MACROD2: variants seen among roughly 807,000 people sequenced by gnomAD.
The protein encoded by MACROD2 is ADP-ribose glycohydrolase MACROD2.
MACROD2 carries 36 observed loss-of-function variants against 70.4 expected under a neutral mutation model. That is an observed-to-expected ratio of 0.51 (90% confidence interval 0.39 to 0.68). MACROD2 has a LOEUF of 0.68. MACROD2 is among the 30% of genes least tolerant of loss of function. The pLI is 0.00. For synonymous variants in MACROD2, 172 were observed against 178.8 expected (o/e 0.96, Z 0.30); for missense variants, 496 against 538.4 (o/e 0.92, Z 0.78).
chr20:14,996,879 G>A (rs1352272681), intron 5 of MACROD2, among the ~76,000 whole-genome samples: 2 of 152,208 alleles, frequency 1.3e-5, no homozygotes, highest in Admixed American at 1.3e-4. Flanking sequence ...TGGCTGAAGT[G>A]CTCCATTGTA....
intron 8 of MACROD2, among the ~76,000 whole-genome samples, chr20:15,794,897 TA>T: frequency 6.6e-6 from 1 of 152,188 alleles, no homozygotes; most frequent in East Asian, 1.9e-4. Flanking sequence ...GATACACTAT[TA>T]AAAAGAATTG....
chr20:15,623,615 A>G (rs16996157), intron 8 of MACROD2, among the ~76,000 whole-genome samples: 3,171 of 152,252 alleles, frequency 0.021, 119 homozygotes, highest in African/African-American at 0.073. Context: ...GCCATTCCCA[A>G]GCTTCTTGTC....
Position 15,869,234 on chromosome 20 carries a change from T to TAG in MACROD2, c.727+6409_727+6410insGA, listed in dbSNP as rs1198181652. 5.0e-3 allele frequency among the ~76,000 whole-genome samples: 158 copies of TAG among 31,666 alleles called. 1 individual carries two copies. Among genetic ancestry groups the TAG allele is most frequent in the Middle Eastern group, 0.023 (1 of 44 alleles). 20.8% of individuals were successfully genotyped at this position (31,666 alleles called of 152,430 possible). On this transcript the variant is annotated intron_variant, in intron 9 of 17. Coordinates refer to ENST00000684519, the MANE Select transcript of MACROD2 (RefSeq NM_001351661.2). The stretch of plus-strand genomic sequence containing the variant: ...ACATATATATATATATATATATATA[T>TAG]ATATAGAGAGAGAGAGAGAGAGAGA...
intron 3 of MACROD2, among the ~76,000 whole-genome samples, chr20:14,194,281 A>G: frequency 6.6e-6 from 1 of 152,214 alleles, no homozygotes; most frequent in South Asian, 2.1e-4. Context: ...TTACTACAAC[A>G]TGTAGCTGCC....
chr20:15,828,898 A>G (rs951933746), intron 8 of MACROD2, among the ~76,000 whole-genome samples: 3 of 152,252 alleles, frequency 2.0e-5, no homozygotes, highest in Non-Finnish European at 2.9e-5. Context: ...AAGTTCAGAA[A>G]TAATCCTATG....
At chr20:14,575,936 T>C (rs1980571303) in intron 4 of MACROD2, among the ~76,000 whole-genome samples, 1 of 152,186 alleles carries the variant, frequency 6.6e-6, no homozygotes. Context: ...ATAGAACTTA[T>C]TTGAAGAGAG....
At chr20:14,897,522 A>G (rs1198195814) in intron 5 of MACROD2, among the ~76,000 whole-genome samples, 2 of 152,190 alleles carry the variant, frequency 1.3e-5, no homozygotes, top group East Asian at 3.9e-4. Context: ...GTATAATAGA[A>G]CTACATCTTA....
chr20:14,502,447 G>T (rs1344348124), intron 4 of MACROD2, among the ~76,000 whole-genome samples: 1 of 151,924 alleles, frequency 6.6e-6, no homozygotes, highest in Admixed American at 6.6e-5. Context: ...AGCTCTCTTT[G>T]GTCAAAAGTC....
intron 8 of MACROD2, among the ~76,000 whole-genome samples, chr20:15,736,864 T>C (rs2051029187): frequency 6.6e-6 from 1 of 152,174 alleles, no homozygotes. Flanking sequence ...CACTCTCCCA[T>C]TGATATTGAG....
intron 8 of MACROD2, among the ~76,000 whole-genome samples, chr20:15,551,889 A>G (rs1273794781): frequency 8.0e-5 from 12 of 150,550 alleles, no homozygotes; most frequent in Non-Finnish European, 1.8e-4. Context: ...AAAAAAAAGA[A>G]TATTTTATTT....
At chr20:14,235,643 AC>A (rs2081862264) in intron 3 of MACROD2, among the ~76,000 whole-genome samples, 1 of 152,228 alleles carries the variant, frequency 6.6e-6, no homozygotes, top group Non-Finnish European at 1.5e-5. Flanking sequence ...TTTGCTCTGT[AC>A]ATAGACTTCT....
chr20:15,880,835 C>G (rs1451692111), intron 9 of MACROD2, among the ~76,000 whole-genome samples: 1 of 152,004 alleles, frequency 6.6e-6, no homozygotes, highest in Non-Finnish European at 1.5e-5. Flanking sequence ...GAGTTATAGG[C>G]AGGACATCCA....
chr20:15,608,710 C>G (rs2048927041), intron 8 of MACROD2, among the ~76,000 whole-genome samples: 1 of 152,170 alleles, frequency 6.6e-6, no homozygotes. Context: ...AGGACACTTG[C>G]TTCTCCTGCT....
intron 5 of MACROD2, among the ~76,000 whole-genome samples, chr20:14,746,828 C>T (rs1214483828): frequency 3.9e-5 from 6 of 152,182 alleles, no homozygotes; most frequent in African/African-American, 1.4e-4. Context: ...CTTGGCTTTG[C>T]GGAATCGAAT....
chr20:15,005,243 C>T (rs140015820), intron 5 of MACROD2, among the ~76,000 whole-genome samples: 3 of 152,140 alleles, frequency 2.0e-5, no homozygotes, highest in Non-Finnish European at 4.4e-5. Context: ...CTGGAATTTC[C>T]TATCACTGTG....
chr20:14,234,955 T>G (rs7268327), intron 3 of MACROD2, among the ~76,000 whole-genome samples: 25,465 of 152,134 alleles, frequency 0.17, 3,106 homozygotes, highest in African/African-American at 0.34. Context: ...GTTTTCAAAG[T>G]CAAATATGGG....
intron 8 of MACROD2, among the ~76,000 whole-genome samples, chr20:15,528,222 C>G (rs189123093): frequency 4.3e-4 from 66 of 152,170 alleles, no homozygotes; most frequent in Non-Finnish European, 1.5e-4. Context: ...GTAACCTCCA[C>G]CTCCCGGGCT....
At position 14,002,289 on chromosome 20, in the gene MACROD2, A is replaced by T; in HGVS notation, c.48A>T (p.Glu16Asp). 1 of 1,570,892 alleles carries T rather than the reference A, an allele frequency of 6.4e-7. No homozygotes were observed. Among genetic ancestry groups the T allele is most frequent in the Non-Finnish European group, 8.6e-7 (1 of 1,157,692 alleles). The stretch of plus-strand genomic sequence containing the variant: ...GAGATTCTGCTTTTATTTTGCAAGA[A>T]CGTTTATTGAAGATGACCTTAGAAG... ...KKKKVWREEK[E>D]RLLKMTLEER... The change falls in exon 2 of 18, where the codon GAA becomes GAT. Residue 16 changes from glutamate to aspartate, a missense_variant and splice_region_variant. Coordinates refer to ENST00000684519, the MANE Select transcript of MACROD2 (RefSeq NM_001351661.2).
chr20:14,717,904 A>G (rs1486527847), intron 5 of MACROD2, among the ~76,000 whole-genome samples: 1 of 152,174 alleles, frequency 6.6e-6, no homozygotes, highest in Non-Finnish European at 1.5e-5. Flanking sequence ...GTAGGAAGAA[A>G]TAATTGTTCT....
Sources: gnomAD v4.1 joint callset for allele counts (sites outside exome capture counted in the v4.1 genomes callset) on GRCh38, gnomAD v4.1.1 for gene constraint, MANE v1.5 for transcripts, NCBI Gene and HGNC (gene_info 2026-07-23, HGNC 2026-07-21) for gene names.